Variants in ENPP6 observed in about 807,000 individuals in gnomAD.
ENPP6 encodes the protein glycerophosphocholine cholinephosphodiesterase ENPP6.
In ENPP6, 32 loss-of-function variants were observed where a neutral mutation model predicts 42.0. The observed-to-expected ratio is 0.76, with a 90% CI of 0.58 to 1.02. The LOEUF (loss-of-function observed/expected upper bound fraction) is 1.02. ENPP6 is among the 50% of genes least tolerant of loss of function. The pLI is 0.00. For missense variants in ENPP6, 552 were observed against 566.8 expected, an observed-to-expected ratio of 0.97 and a Z score of 0.27; for synonymous variants, 213 against 216.0, an observed-to-expected ratio of 0.99 and a Z score of 0.12.
At chr4:184,196,426 T>C (rs963293237) in intron 1 of ENPP6, among the ~76,000 whole-genome samples, 1 of 152,246 alleles carries the variant, frequency 6.6e-6, no homozygotes, top group Non-Finnish European at 1.5e-5. Flanking sequence ...CTTGAATGGA[T>C]ATTATTCATG....
Position 184,131,201 on chromosome 4 carries a change from C to CTTCTTTCTTTCTTTCTTT in ENPP6, c.422-6947_422-6930dup. On this transcript the variant is annotated intron_variant, in intron 2 of 7. Transcript: ENST00000296741. ...TCTTTCTTTCTTTCTTTCTTTCTTT[C>CTTCTTTCTTTCTTTCTTT]TTCTTTCTTTCTTTCTTTTTCTTTC... Among the ~76,000 whole-genome samples, 2 of 70,680 alleles carry CTTCTTTCTTTCTTTCTTT rather than the reference C, an allele frequency of 2.8e-5. 1 individual carries two copies. Among genetic ancestry groups the CTTCTTTCTTTCTTTCTTT allele is most frequent in the Non-Finnish European group, 5.6e-5 (2 of 35,946 alleles). The allele number at this position is 70,680 out of a possible 152,430, so 46.4% of individuals were successfully genotyped here.
chr4:184,119,165 G>A lies in ENPP6; in HGVS notation c.534-1265C>T, dbSNP rs74437693. Among the ~76,000 whole-genome samples, 1,487 of 152,288 alleles carry A rather than the reference G, an allele frequency of 9.8e-3. 20 individuals are homozygous for A. The highest frequency in any genetic ancestry group is 0.039 in the South Asian group (189 of 4,816). On this transcript the variant is annotated intron_variant, in intron 3 of 7. Coordinates refer to ENST00000296741, the MANE Select transcript of ENPP6 (RefSeq NM_153343.4). ...TCAGACTCCGGAAACGTAGCTGTTA[G>A]CTTGTAGGAAACTGATAAGATGAAA... is the stretch of plus-strand genomic sequence containing the variant.
chr4:184,101,672 G>A (rs554115439), intron 6 of ENPP6, among the ~76,000 whole-genome samples: 4 of 152,258 alleles, frequency 2.6e-5, no homozygotes, highest in African/African-American at 9.6e-5. Flanking sequence ...TTGAAAACCA[G>A]GACAGTCCCA....
chr4:184,149,160 G>A (rs1246799105), intron 2 of ENPP6, among the ~76,000 whole-genome samples: 1 of 152,194 alleles, frequency 6.6e-6, no homozygotes, highest in East Asian at 1.9e-4. Flanking sequence ...TTTTTATCCA[G>A]AGGATTGGTG....
chr4:184,152,800 T>C (rs1737078977), intron 2 of ENPP6, among the ~76,000 whole-genome samples: 1 of 152,192 alleles, frequency 6.6e-6, no homozygotes, highest in South Asian at 2.1e-4. Context: ...CTCGTTGAGC[T>C]AGGATGTAGC....
chr4:184,113,075 C>G (rs928587781), intron 5 of ENPP6, among the ~76,000 whole-genome samples: 6 of 152,162 alleles, frequency 3.9e-5, no homozygotes, highest in African/African-American at 1.4e-4. Flanking sequence ...AGCCTGTGCA[C>G]CTGTAGCCAT....
chr4:184,093,410 G>A (rs1471004960), intron 7 of ENPP6, among the ~76,000 whole-genome samples: 3 of 151,570 alleles, frequency 2.0e-5, no homozygotes, highest in Non-Finnish European at 4.4e-5. Context: ...AGGCCGAGGT[G>A]GGCAGATCAC....
rs1178938247 is a variant in ENPP6 at position 184,132,965 on chromosome 4, T to G, written c.422-8693A>C. 4.6e-5 allele frequency among the ~76,000 whole-genome samples: 7 copies of G among 152,138 alleles called. No homozygotes were observed. The East Asian group carries it at 1.3e-3, about 29-fold the overall frequency. On this transcript the variant is annotated intron_variant, in intron 2 of 7. Coordinates refer to ENST00000296741, the MANE Select transcript of ENPP6 (RefSeq NM_153343.4). ...TGGATCATATGTTTGTGGGTTTATTTCAGGAATTTCTGACCTTTACCCTTA... is the reference window on the plus strand; with the variant it reads ...TGGATCATATGTTTGTGGGTTTATTGCAGGAATTTCTGACCTTTACCCTTA...
chr4:184,200,526 A>G (rs1372900737), intron 1 of ENPP6, among the ~76,000 whole-genome samples: 1 of 152,180 alleles, frequency 6.6e-6, no homozygotes, highest in Non-Finnish European at 1.5e-5. Context: ...TCAATTGCGC[A>G]CTCACTAAAT....
intron 1 of ENPP6, among the ~76,000 whole-genome samples, chr4:184,208,549 G>C (rs569777182): frequency 1.1e-4 from 17 of 152,150 alleles, no homozygotes; most frequent in South Asian, 2.1e-4. Flanking sequence ...AAAAACGGCG[G>C]ACCACGAGAT....
intron 2 of ENPP6, among the ~76,000 whole-genome samples, chr4:184,131,192 TC>T (rs1368080162): frequency 2.0e-4 from 12 of 58,876 alleles, no homozygotes; most frequent in African/African-American, 7.1e-4. Flanking sequence ...TTTCTTTCTT[TC>T]TTTCTTTCTT....
At chr4:184,194,821 G>A (rs1160584078) in intron 1 of ENPP6, among the ~76,000 whole-genome samples, 1 of 152,212 alleles carries the variant, frequency 6.6e-6, no homozygotes, top group African/African-American at 2.4e-5. Context: ...CCTGGTCTCT[G>A]GAGACACATG....
intron 1 of ENPP6, among the ~76,000 whole-genome samples, chr4:184,210,349 G>A (rs559573020): frequency 5.1e-5 from 7 of 136,090 alleles, no homozygotes; most frequent in South Asian, 2.7e-4. Context: ...CCCATCTCAC[G>A]TGCAGAGACA....
At chr4:184,132,028 G>A (rs6854062) in intron 2 of ENPP6, among the ~76,000 whole-genome samples, 97,326 of 151,874 alleles carry the variant, frequency 0.64, 31,502 homozygotes, top group Non-Finnish European at 0.68. Flanking sequence ...CAGCTGAAGC[G>A]ATTAGGTAGG....
At chr4:184,144,906 T>A (rs938748810) in intron 2 of ENPP6, among the ~76,000 whole-genome samples, 4 of 152,188 alleles carry the variant, frequency 2.6e-5, no homozygotes, top group Admixed American at 2.0e-4. Flanking sequence ...ACTGTTAGGA[T>A]GAAATAGTGT....
intron 6 of ENPP6, among the ~76,000 whole-genome samples, chr4:184,104,659 C>T (rs956556312): frequency 1.3e-5 from 2 of 152,188 alleles, no homozygotes; most frequent in African/African-American, 4.8e-5. Flanking sequence ...ATTAACCAAG[C>T]TTGAAAGCCT....
chr4:184,117,905 AGGG>A lies in ENPP6; in HGVS notation c.534-8_534-6del. Reference sequence around the variant, plus strand: ...GCCAGGTCGGCCCGGCCACTCCTGGAGGGACAGAGGAGAGAGGCATAGGTGAGG... The same window carrying A: ...GCCAGGTCGGCCCGGCCACTCCTGGAACAGAGGAGAGAGGCATAGGTGAGG... On this transcript the variant is annotated splice_polypyrimidine_tract_variant and splice_region_variant and intron_variant, in intron 3 of 7. Coordinates refer to ENST00000296741, the MANE Select transcript of ENPP6 (RefSeq NM_153343.4). The A allele has an allele frequency of 6.2e-7, 1 of 1,613,684 alleles. No homozygotes were observed.
Position 184,217,755 on chromosome 4 carries a change from G to T in ENPP6, c.65C>A (p.Ala22Asp). The change falls in exon 1 of 8, where the codon GCC (alanine) becomes GAC (aspartate). Residue 22 changes from alanine to aspartate, a missense_variant. Ala to Asp is a moderately radical substitution (Grantham distance 126). This residue lies in a region of ENPP6 where 545 missense variants were observed against 546.3 expected (regional missense o/e 1.00). Transcript: ENST00000296741. ...CAGAAACACCAGCAGCTTCCGGCGG[G>T]CAGAGGCTGGCTGGGCCAGGCCCAG... is the stretch of plus-strand genomic sequence containing the variant. ...LALGLAQPAS[A>D]RRKLLVFLLD... is the part of the protein sequence containing the mutation. The T allele has an allele frequency of 6.2e-7, 1 of 1,614,132 alleles. No individual in the cohort carries two copies. The highest frequency in any genetic ancestry group is 2.2e-5 in the East Asian group (1 of 44,882).
At chr4:184,215,826 G>A (rs1047745697) in intron 1 of ENPP6, among the ~76,000 whole-genome samples, 1 of 152,166 alleles carries the variant, frequency 6.6e-6, no homozygotes, top group Non-Finnish European at 1.5e-5. Flanking sequence ...ATAAAGGAAG[G>A]GGCCCTTCTC....
Sources: allele counts gnomAD v4.1 joint callset (sites outside exome capture counted in the v4.1 genomes callset), GRCh38; gene constraint gnomAD v4.1.1; regional missense constraint gnomAD v4.1.1; transcripts MANE v1.5; gene names NCBI Gene and HGNC (gene_info 2026-07-23, HGNC 2026-07-21).